Variants in GNE observed in about 807,000 individuals in gnomAD.
GNE encodes bifunctional UDP-N-acetylglucosamine 2-epimerase/N-acetylmannosamine kinase.
In GNE, 41 loss-of-function variants were observed where a neutral mutation model predicts 61.8. That is an observed-to-expected ratio of 0.66 (90% CI 0.52 to 0.86). The LOEUF (loss-of-function observed/expected upper bound fraction) is 0.86. Ranked by LOEUF, GNE falls within the 40% of genes least tolerant of loss-of-function variation. The pLI is 0.00. For synonymous variants in GNE, 264 were observed against 326.4 expected, an observed-to-expected ratio of 0.81 and a Z score of 2.06; for missense variants, 608 against 909.1, an observed-to-expected ratio of 0.67 and a Z score of 4.26.
intron 1 of GNE, among the ~76,000 whole-genome samples, chr9:36,275,006 G>A (rs1269872972): frequency 3.9e-5 from 6 of 152,128 alleles, no homozygotes; most frequent in Non-Finnish European, 2.9e-5. Flanking sequence ...TTACAGGCGC[G>A]AGCCACCGCA....
intron 1 of GNE, among the ~76,000 whole-genome samples, chr9:36,267,049 G>C (rs1228744371): frequency 1.3e-5 from 2 of 152,200 alleles, no homozygotes; most frequent in Non-Finnish European, 2.9e-5. Context: ...CTGGGCAACA[G>C]AGTGAGACTC....
At chr9:36,225,249 A>AT (rs1828811642) in intron 7 of GNE, among the ~76,000 whole-genome samples, 1 of 152,190 alleles carries the variant, frequency 6.6e-6, no homozygotes. Context: ...GTTGTTCTGA[A>AT]TAAGATCTCT....
In GNE at chr9:36,256,807, C is replaced by T. The variant is rs542132942; in HGVS notation, c.-43+1514G>A. Among the ~76,000 whole-genome samples the T allele has an allele frequency of 5.3e-5, 8 of 152,354 alleles. No homozygotes were observed. In the South Asian group the frequency reaches 1.0e-3, roughly 20 times the overall value. On this transcript the variant is annotated intron_variant, in intron 1 of 11. Transcript: ENST00000642385. Reference sequence around the variant, plus strand: ...TGCCAAACATTGTGCTAATAGGTTTCTTCACATGTATTAACTCATTTCATC... The same window carrying T: ...TGCCAAACATTGTGCTAATAGGTTTTTTCACATGTATTAACTCATTTCATC...
At chr9:36,231,310 T>C (rs1829146792) in intron 5 of GNE, among the ~76,000 whole-genome samples, 1 of 151,966 alleles carries the variant, frequency 6.6e-6, no homozygotes, top group African/African-American at 2.4e-5. Context: ...ACAAAACATT[T>C]TGTAAAAACA....
chr9:36,230,284 C>T (rs529842869), intron 5 of GNE, among the ~76,000 whole-genome samples: 1 of 152,202 alleles, frequency 6.6e-6, no homozygotes, highest in African/African-American at 2.4e-5. Context: ...ATCCACCACC[C>T]CATCCTTAAA....
chr9:36,254,752 G>T (rs1249189044), intron 1 of GNE, among the ~76,000 whole-genome samples: 1 of 152,144 alleles, frequency 6.6e-6, no homozygotes, highest in East Asian at 1.9e-4. Context: ...AGGAGTTCAA[G>T]ACCTGCCTGG....
intron 4 of GNE, among the ~76,000 whole-genome samples, chr9:36,235,315 C>T (rs887312020): frequency 5.3e-5 from 8 of 152,138 alleles, no homozygotes; most frequent in African/African-American, 1.9e-4. Flanking sequence ...TTCGATAATC[C>T]ATTTTCCGGA....
intron 1 of GNE, among the ~76,000 whole-genome samples, chr9:36,250,648 G>T (rs1587350600): frequency 6.6e-6 from 1 of 152,194 alleles, no homozygotes; most frequent in East Asian, 1.9e-4. Flanking sequence ...GATCTTAACA[G>T]CTGTCAAGTG....
upstream of GNE, among the ~76,000 whole-genome samples, chr9:36,260,685 T>C (rs777683078): frequency 1.3e-4 from 20 of 151,298 alleles, no homozygotes; most frequent in Non-Finnish European, 2.7e-4. Flanking sequence ...CTGGCTAACA[T>C]GGTGAAACCC....
At chr9:36,234,158 G>A in intron 4 of GNE, 26 bp from the exon 5 acceptor site, 1 of 1,552,042 alleles carries the variant, frequency 6.4e-7, no homozygotes, top group Non-Finnish European at 8.9e-7. Context: ...GAACCAATTG[G>A]TAAATGGTTT....
intron 1 of GNE, among the ~76,000 whole-genome samples, chr9:36,249,961 C>A (rs778203354): frequency 6.6e-6 from 1 of 151,652 alleles, no homozygotes; most frequent in African/African-American, 2.4e-5. Flanking sequence ...AGAAAACACA[C>A]TGGAATGCCA....
Position 36,219,938 on chromosome 9 carries a change from CACA to C in GNE, c.1713_1715del (p.Val572del), listed in dbSNP as rs762796465. The C allele has an allele frequency of 1.2e-6, 2 of 1,614,140 alleles. No homozygotes were observed. The highest frequency in any genetic ancestry group is 1.7e-5 in the Admixed American group (1 of 60,028). ...AGGAACAATCAGGCCCATCCAGAGA[CACA>C]ACAAGGTGGCCCAGTTCTGCAGCAC... On this transcript the variant is annotated inframe_deletion, in exon 10 of 12. Transcript: ENST00000642385.
intron 4 of GNE, among the ~76,000 whole-genome samples, chr9:36,235,154 G>T (rs1247669982): frequency 6.6e-6 from 1 of 152,162 alleles, no homozygotes; most frequent in Admixed American, 6.5e-5. Context: ...TCATATTGGT[G>T]CTCAAAAAGT....
At chr9:36,219,504 T>C (rs1030372254) in intron 10 of GNE, among the ~76,000 whole-genome samples, 4 of 152,264 alleles carry the variant, frequency 2.6e-5, no homozygotes, top group Admixed American at 6.5e-5. Context: ...ATGTGTGATA[T>C]ATACATAACA....
chr9:36,229,940 A>G (rs1341814167), intron 5 of GNE, among the ~76,000 whole-genome samples: 2 of 151,866 alleles, frequency 1.3e-5, no homozygotes, highest in Non-Finnish European at 2.9e-5. Flanking sequence ...ATATGGTTCA[A>G]TTCTCCTTTC....
chr9:36,255,581 G>A (rs1000033749), intron 1 of GNE, among the ~76,000 whole-genome samples: 4 of 151,912 alleles, frequency 2.6e-5, no homozygotes, highest in African/African-American at 9.7e-5. Flanking sequence ...AGTACGAATT[G>A]GAAAAGGACC....
Position 36,276,919 on chromosome 9 carries a change from C to G in GNE, c.26G>C (p.Arg9Thr). Residue 9 changes from arginine to threonine, a missense_variant, in exon 1 of 12, where the codon AGG becomes ACG. By Grantham distance (71) the Arg-to-Thr change is moderately conservative. Coordinates refer to the GNE transcript ENST00000396594. ...ATGAGGTCCTTGAAAGCATGACTCCCTCTGCAGATAACCATAGGTTTCCAT... is the reference window on the plus strand; with the variant it reads ...ATGAGGTCCTTGAAAGCATGACTCCGTCTGCAGATAACCATAGGTTTCCAT... 1 of 1,612,932 alleles carries G rather than the reference C, an allele frequency of 6.2e-7. No individual in the cohort carries two copies. The highest frequency in any genetic ancestry group is 8.5e-7 in the Non-Finnish European group (1 of 1,179,272).
chr9:36,265,912 C>T (rs904622789), intron 1 of GNE, among the ~76,000 whole-genome samples: 6 of 152,002 alleles, frequency 3.9e-5, no homozygotes, highest in East Asian at 1.9e-4. Flanking sequence ...TCCTATTATG[C>T]GGCCCAGTTA....
intron 3 of GNE, among the ~76,000 whole-genome samples, chr9:36,243,345 CATT>C (rs1415199075): frequency 1.1e-4 from 16 of 152,152 alleles, no homozygotes; most frequent in Non-Finnish European, 1.8e-4. Context: ...ACATCTGGCA[CATT>C]ATTATTTTCT....
Sources: allele counts gnomAD v4.1 joint callset (sites outside exome capture counted in the v4.1 genomes callset), GRCh38; gene constraint gnomAD v4.1.1; transcripts MANE v1.5; gene names NCBI Gene and HGNC (gene_info 2026-07-23, HGNC 2026-07-21).